The following MAPK4 variants were observed in gnomAD, a reference collection of about 807,000 sequenced individuals.
The protein encoded by MAPK4 is mitogen-activated protein kinase 4.
In MAPK4, 22 loss-of-function variants were observed where a neutral mutation model predicts 47.7. The observed-to-expected ratio is 0.46, with a 90% CI of 0.33 to 0.66. The LOEUF (loss-of-function observed/expected upper bound fraction) is 0.66. Ranked by LOEUF, MAPK4 falls within the 30% of genes least tolerant of loss-of-function variation. MAPK4 has a pLI of 0.02. For missense variants in MAPK4, 736 were observed against 831.7 expected (o/e 0.88, Z 1.42); for synonymous variants, 390 against 365.7 (o/e 1.07, Z -0.76).
At chr18:50,692,959 T>TA (rs1909310150) in intron 2 of MAPK4, among the ~76,000 whole-genome samples, 1 of 152,046 alleles carries the variant, frequency 6.6e-6, no homozygotes. Flanking sequence ...CCTAAGGCGT[T>TA]AAATAGATAG....
chr18:50,631,085 T>C (rs947075666), intron 1 of MAPK4, among the ~76,000 whole-genome samples: 3 of 152,226 alleles, frequency 2.0e-5, no homozygotes, highest in Non-Finnish European at 4.4e-5. Context: ...TCGCCTGACA[T>C]GCACATTCCC....
At chr18:50,727,361 C>T (rs986290117) in intron 5 of MAPK4, among the ~76,000 whole-genome samples, 1 of 152,160 alleles carries the variant, frequency 6.6e-6, no homozygotes. Flanking sequence ...GCAATTTCTC[C>T]TTTTTAGTCA....
chr18:50,636,478 T>G (rs2144169068), intron 1 of MAPK4, among the ~76,000 whole-genome samples: 1 of 152,316 alleles, frequency 6.6e-6, no homozygotes, highest in South Asian at 2.1e-4. Context: ...CTCTTTAGTC[T>G]TGCTGCTCTG....
chr18:50,694,590 C>A (rs1909404702), intron 2 of MAPK4, among the ~76,000 whole-genome samples: 1 of 152,164 alleles, frequency 6.6e-6, no homozygotes, highest in Non-Finnish European at 1.5e-5. Context: ...CTCTGGTGGA[C>A]CCAGAATATT....
At chr18:50,720,964 T>A (rs77742596) in intron 3 of MAPK4, among the ~76,000 whole-genome samples, 1 of 152,160 alleles carries the variant, frequency 6.6e-6, no homozygotes, top group Non-Finnish European at 1.5e-5. Context: ...CCATGGGAAT[T>A]CATGGCAAGG....
chr18:50,638,925 A>G (rs1056101668), intron 1 of MAPK4, among the ~76,000 whole-genome samples: 2 of 152,204 alleles, frequency 1.3e-5, no homozygotes, highest in African/African-American at 2.4e-5. Context: ...CACCTGCCCA[A>G]GGTGCTATGC....
intron 1 of MAPK4, among the ~76,000 whole-genome samples, chr18:50,653,002 T>C (rs566860127): frequency 9.2e-5 from 14 of 152,026 alleles, no homozygotes; most frequent in African/African-American, 1.2e-4. Context: ...GGTAACATGA[T>C]GAAACCTATG....
At chr18:50,563,219 T>A (rs1219684843) in intron 1 of MAPK4, among the ~76,000 whole-genome samples, 1 of 152,170 alleles carries the variant, frequency 6.6e-6, no homozygotes, top group Non-Finnish European at 1.5e-5. Context: ...TATCCGGAAT[T>A]TACAGAGAAA....
intron 1 of MAPK4, among the ~76,000 whole-genome samples, chr18:50,591,324 T>C (rs1404506457): frequency 6.6e-6 from 1 of 152,132 alleles, no homozygotes; most frequent in East Asian, 1.9e-4. Flanking sequence ...AGAATATCAC[T>C]GAAACTGGGA....
chr18:50,701,169 C>A (rs766238443), intron 2 of MAPK4, among the ~76,000 whole-genome samples: 1 of 149,498 alleles, frequency 6.7e-6, no homozygotes. Flanking sequence ...TAACAAGACA[C>A]CCCCACCCCC....
intron 1 of MAPK4, among the ~76,000 whole-genome samples, chr18:50,586,545 G>T (rs72917638): frequency 6.6e-6 from 1 of 151,876 alleles, no homozygotes; most frequent in African/African-American, 2.4e-5. Flanking sequence ...GGCAGAAAAC[G>T]TAATGTATTT....
At chr18:50,622,075 T>C (rs2042737190) in intron 1 of MAPK4, among the ~76,000 whole-genome samples, 1 of 152,034 alleles carries the variant, frequency 6.6e-6, no homozygotes, top group African/African-American at 2.4e-5. Context: ...TATTATAAGG[T>C]GAAGCAGGAT....
chr18:50,708,357 C>A (rs905736708), intron 2 of MAPK4, among the ~76,000 whole-genome samples: 1 of 152,132 alleles, frequency 6.6e-6, no homozygotes, highest in African/African-American at 2.4e-5. Context: ...GAATTAACCC[C>A]TATTATAGGT....
Position 50,729,568 on chromosome 18 carries a change from T to TCGCGCAGTGGGTCAAGAG in MAPK4, c.1480_1497dup (p.Ala494_Ser499dup). 1 of 1,424,242 alleles carries TCGCGCAGTGGGTCAAGAG rather than the reference T, an allele frequency of 7.0e-7. No homozygotes were observed. Among genetic ancestry groups the TCGCGCAGTGGGTCAAGAG allele is most frequent in the Non-Finnish European group, 9.2e-7 (1 of 1,087,984 alleles). The allele number at this position is 1,424,242 out of a possible 1,614,324, so 88.2% of individuals were successfully genotyped here. On this transcript the variant is annotated inframe_insertion, in exon 6 of 6. Coordinates refer to ENST00000400384, the MANE Select transcript of MAPK4 (RefSeq NM_002747.4). ...GAGCCGGCCAGCCTCTTCCTGGAGA[T>TCGCGCAGTGGGTCAAGAG]CGCGCAGTGGGTCAAGAGCACGCAG... is the stretch of plus-strand genomic sequence containing the variant.
intron 3 of MAPK4, among the ~76,000 whole-genome samples, chr18:50,715,721 G>A (rs897155317): frequency 2.0e-5 from 3 of 152,148 alleles, no homozygotes; most frequent in Non-Finnish European, 4.4e-5. Flanking sequence ...CCTTAATATT[G>A]GATTTTCTAG....
At position 50,730,025 on chromosome 18, in the gene MAPK4, TA is replaced by T. The variant is rs1472897884; in HGVS notation, c.*172del. The T allele has an allele frequency of 3.0e-6, 2 of 657,956 alleles. No individual in the cohort carries two copies. Among genetic ancestry groups the T allele is most frequent in the African/African-American group, 3.6e-5 (2 of 55,166 alleles). The allele number at this position is 657,956 out of a possible 1,614,324, so 40.8% of individuals were successfully genotyped here. A position where few individuals can be genotyped will look rare whatever the true frequency, so the allele number is the denominator to read the frequency against. ...CCATTTCTTAAACTGCCTTAATAAC[TA>T]GCCTTTAACCTGTGGGAGCGGGTTT... On this transcript the variant is annotated 3_prime_UTR_variant, in exon 6 of 6. Coordinates refer to ENST00000400384, the MANE Select transcript of MAPK4 (RefSeq NM_002747.4).
chr18:50,615,884 G>C (rs2042680399), intron 1 of MAPK4, among the ~76,000 whole-genome samples: 1 of 152,176 alleles, frequency 6.6e-6, no homozygotes, highest in African/African-American at 2.4e-5. Flanking sequence ...ACTCTTTCAA[G>C]ATACCTTGGG....
intron 5 of MAPK4, among the ~76,000 whole-genome samples, chr18:50,727,445 G>C (rs1444751507): frequency 6.6e-6 from 1 of 152,188 alleles, no homozygotes; most frequent in Non-Finnish European, 1.5e-5. Flanking sequence ...TTTTGGACAG[G>C]TTTGCTGGCT....
chr18:50,585,824 A>G (rs2042383340), intron 1 of MAPK4, among the ~76,000 whole-genome samples: 1 of 152,226 alleles, frequency 6.6e-6, no homozygotes, highest in Admixed American at 6.5e-5. Context: ...GTCCTTCTTC[A>G]CATGGTGGTA....
Sources: gnomAD v4.1 joint callset for allele counts (sites outside exome capture counted in the v4.1 genomes callset) on GRCh38, gnomAD v4.1.1 for gene constraint, MANE v1.5 for transcripts, NCBI Gene and HGNC (gene_info 2026-07-23, HGNC 2026-07-21) for gene names.